The following BCL2L15 variants were observed in gnomAD, a reference collection of about 807,000 sequenced individuals.
BCL2L15 encodes the protein bcl-2-like protein 15.
A neutral mutation model predicts 18.3 loss-of-function variants in BCL2L15; 15 were observed. The observed-to-expected ratio is 0.82, with a 90% CI of 0.55 to 1.26. BCL2L15 has a LOEUF of 1.26. Among genes scored for constraint, BCL2L15 ranks in the 50% most tolerant of loss-of-function variants. BCL2L15 has a pLI of 0.00. For missense variants in BCL2L15, 180 were observed against 201.7 expected (o/e 0.89, Z 0.65); for synonymous variants, 58 against 68.5 (o/e 0.85, Z 0.76).
At chr1:113,881,739 T>C (rs2102246094) in intron 3 of BCL2L15, 34 bp downstream of exon 3, 3 of 1,603,502 alleles carry the variant, frequency 1.9e-6, no homozygotes, top group African/African-American at 2.7e-5. Context: ...ACAGTGCAAA[T>C]ACCTAGCAAA....
In BCL2L15 at chr1:113,881,907, C is replaced by G. The variant is rs1343019420; in HGVS notation, c.340G>C (p.Ala114Pro). Residue 114 changes from alanine (A) to proline (P), a missense_variant, in exon 3 of 4, where the codon GCA (alanine) becomes CCA (proline). Physicochemically the swap from Ala to Pro is conservative, Grantham distance 27. Coordinates refer to ENST00000393316, the MANE Select transcript of BCL2L15 (RefSeq NM_001010922.3). ...SSLAYERAFL[A>P]VSVKLLEYMA... ...TACTCAAGAAGTTTCACTGACACTG[C>G]CAGAAAAGCTCTCTCATAAGCTAAG... is the stretch of plus-strand genomic sequence containing the variant. 6.2e-7 allele frequency: 1 copy of G among 1,614,054 alleles called. No individual in the cohort carries two copies. Among genetic ancestry groups the G allele is most frequent in the African/African-American group, 1.3e-5 (1 of 74,924 alleles).
At chr1:113,885,415 C>T (rs1186731914) in intron 2 of BCL2L15, among the ~76,000 whole-genome samples, 5 of 151,948 alleles carry the variant, frequency 3.3e-5, no homozygotes, top group African/African-American at 7.2e-5. Flanking sequence ...TAAAGCATAA[C>T]GGTTAAGAGG....
chr1:113,881,104 C>A lies in BCL2L15; in HGVS notation c.*19G>T. ...TCAACAAGGAAGTGATGTTCAGTCT[C>A]GTGAATAGCTCCAACTCTTCAGCTC... On this transcript the variant is annotated 3_prime_UTR_variant, in exon 4 of 4. Transcript: ENST00000393316. 1.9e-6 allele frequency: 3 copies of A among 1,614,110 alleles called. No homozygotes were observed. The highest frequency in any genetic ancestry group is 2.5e-6 in the Non-Finnish European group (3 of 1,179,978).
chr1:113,881,859 C>T lies in BCL2L15; in HGVS notation c.388G>A (p.Val130Ile). The stretch of plus-strand genomic sequence containing the variant: ...ATGGGGATAGCCACCTGTCCCACTA[C>T]TTCAGGAGCAATGTGAGCCATGTAC... ...LEYMAHIAPEVVGQVAIPMTG... is the reference protein window; with the variant it reads ...LEYMAHIAPEIVGQVAIPMTG... The change falls in exon 3 of 4, where the codon GTA becomes ATA. Residue 130 changes from valine (V) to isoleucine (I), a missense_variant. Physicochemically the swap from Val to Ile is conservative, Grantham distance 29 (BLOSUM62 3). Transcript: ENST00000393316. 1 of 1,614,220 alleles carries T rather than the reference C, an allele frequency of 6.2e-7. No individual in the cohort carries two copies. The highest frequency in any genetic ancestry group is 8.5e-7 in the Non-Finnish European group (1 of 1,180,042).
In BCL2L15 at chr1:113,883,430, C is replaced by T. The variant is rs558779344; in HGVS notation, c.250-1433G>A. Among the ~76,000 whole-genome samples the T allele has an allele frequency of 2.1e-3, 304 of 148,238 alleles. 1 individual carries two copies. The highest frequency in any genetic ancestry group is 3.7e-3 in the Non-Finnish European group (250 of 67,362). On this transcript the variant is annotated intron_variant, in intron 2 of 3. Coordinates refer to ENST00000393316, the MANE Select transcript of BCL2L15 (RefSeq NM_001010922.3). ...CGGGGAGGCAGAGGTTGAAGAGAGC[C>T]GAGATTGCGCCATTGCTCTCCTGCC...
Position 113,880,835 on chromosome 1 carries a change from T to C in BCL2L15, c.*288A>G. The C allele has an allele frequency of 2.1e-6, 1 of 469,504 alleles. No homozygotes were observed. Among genetic ancestry groups the C allele is most frequent in the Non-Finnish European group, 3.8e-6 (1 of 259,968 alleles). The allele number at this position is 469,504 out of a possible 1,614,324, so 29.1% of individuals were successfully genotyped here. Reference sequence around the variant, plus strand: ...CAAGTCATTACTTTGTGTCTAGGGGTCTTTGCTTCAACAGAACCTCATTAA... The same window carrying C: ...CAAGTCATTACTTTGTGTCTAGGGGCCTTTGCTTCAACAGAACCTCATTAA... On this transcript the variant is annotated 3_prime_UTR_variant, in exon 4 of 4. Transcript: ENST00000393316.
At chr1:113,886,331 G>C (rs1667034013) in intron 2 of BCL2L15, among the ~76,000 whole-genome samples, 2 of 152,030 alleles carry the variant, frequency 1.3e-5, no homozygotes, top group South Asian at 4.1e-4. Context: ...ACAAACTGAA[G>C]GTTCATCAGC....
In BCL2L15 at chr1:113,887,513, C is replaced by T; in HGVS notation, c.-138G>A. The T allele has an allele frequency of 8.4e-7, 1 of 1,193,606 alleles. No individual in the cohort carries two copies. The highest frequency in any genetic ancestry group is 2.1e-5 in the Admixed American group (1 of 48,118). The allele number at this position is 1,193,606 out of a possible 1,614,324, so 73.9% of individuals were successfully genotyped here. On this transcript the variant is annotated 5_prime_UTR_variant, in exon 1 of 4. Coordinates refer to ENST00000393316, the MANE Select transcript of BCL2L15 (RefSeq NM_001010922.3). The stretch of plus-strand genomic sequence containing the variant: ...TGACATGTAATCCTGGAACTTTTCC[C>T]ACTAGCTTTCTTCAAACACAGCTGC...
intron 1 of BCL2L15, among the ~76,000 whole-genome samples, 193 bp downstream of exon 1, chr1:113,887,056 C>A (rs1667058660): frequency 6.6e-6 from 1 of 152,044 alleles, no homozygotes; most frequent in Non-Finnish European, 1.5e-5. Context: ...AGCCACCACA[C>A]CTGGCTAATT....
rs1207332772 is a variant in BCL2L15 at position 113,877,477 on chromosome 1, A to T, written c.*3646T>A. Among the ~76,000 whole-genome samples, 1 of 152,202 alleles carries T rather than the reference A, an allele frequency of 6.6e-6. No individual in the cohort carries two copies. The highest frequency in any genetic ancestry group is 2.4e-5 in the African/African-American group (1 of 41,450). The stretch of plus-strand genomic sequence containing the variant: ...ATAATGAACATGTCTAATCACACTC[A>T]AAAGTTCCACTGAAGGACTTTAAGA... On this transcript the variant is annotated 3_prime_UTR_variant, in exon 4 of 4. Coordinates refer to ENST00000393316, the MANE Select transcript of BCL2L15 (RefSeq NM_001010922.3).
At chr1:113,883,621 A>C (rs1186069618) in intron 2 of BCL2L15, among the ~76,000 whole-genome samples, 1 of 150,984 alleles carries the variant, frequency 6.6e-6, no homozygotes, top group African/African-American at 2.4e-5. Flanking sequence ...TAAAATACAA[A>C]AAAAAAAAAA....
rs1389206204 is a variant in BCL2L15 at position 113,887,465 on chromosome 1, T to G, written c.-90A>C. ...TTAAAAACACTGGTAAATCAACAAA[T>G]GTTTCTACCTCTTGTAGTTTCCTGA... On this transcript the variant is annotated 5_prime_UTR_variant, in exon 1 of 4. Coordinates refer to ENST00000393316, the MANE Select transcript of BCL2L15 (RefSeq NM_001010922.3). 30 of 1,565,088 alleles carry G rather than the reference T, an allele frequency of 1.9e-5. No individual in the cohort carries two copies. The East Asian group carries it at 6.3e-4, about 33-fold the overall frequency.
At chr1:113,884,435 A>T (rs1374079876) in intron 2 of BCL2L15, among the ~76,000 whole-genome samples, 1 of 152,242 alleles carries the variant, frequency 6.6e-6, no homozygotes, top group African/African-American at 2.4e-5. Flanking sequence ...AGAAATCACA[A>T]CTAAATGCAG....
rs1428548549 is a variant in BCL2L15, at chr1:113,886,570, G to A, written c.216C>T (p.Ala72=). 6.2e-7 allele frequency: 1 copy of A among 1,613,568 alleles called. No individual in the cohort carries two copies. The highest frequency in any genetic ancestry group is 1.7e-5 in the Admixed American group (1 of 59,866). ...TAATGGTTTCTGCAATGACGTTTTT[G>A]GCAGAAGCTTCCAATTCTCCGTTGA... ...DQFNGELEAS[A]KNVIAETIKG... is the part of the protein sequence containing the mutation. The change falls in exon 2 of 4, where the codon GCC becomes GCT. Residue 72 remains alanine (A), a synonymous_variant. Coordinates refer to ENST00000393316, the MANE Select transcript of BCL2L15 (RefSeq NM_001010922.3).
In BCL2L15 at chr1:113,880,895, T is replaced by C. The variant is rs750841975; in HGVS notation, c.*228A>G. 1.7e-6 allele frequency: 1 copy of C among 577,682 alleles called. No individual in the cohort carries two copies. Among genetic ancestry groups the C allele is most frequent in the Non-Finnish European group, 3.1e-6 (1 of 326,942 alleles). The allele number at this position is 577,682 out of a possible 1,614,324, so 35.8% of individuals were successfully genotyped here. A position where few individuals can be genotyped will look rare whatever the true frequency, so the allele number is the denominator to read the frequency against. ...GAAAACAGAAAGTAGAAAATCTCTG[T>C]GGTTTGCATTAAGTTGACAAAACAA... On this transcript the variant is annotated 3_prime_UTR_variant, in exon 4 of 4. Transcript: ENST00000393316.
At chr1:113,887,142 C>A in intron 1 of BCL2L15, 107 bp downstream of exon 1, 1 of 1,030,510 alleles carries the variant, frequency 9.7e-7, no homozygotes, top group Admixed American at 2.3e-5. Flanking sequence ...AGGTGATCCA[C>A]CCACCTTGGC....
At chr1:113,884,487 A>G (rs535555572) in intron 2 of BCL2L15, among the ~76,000 whole-genome samples, 1 of 152,360 alleles carries the variant, frequency 6.6e-6, no homozygotes, top group East Asian at 1.9e-4. Context: ...AAATTACATT[A>G]TCGGGACAAA....
intron 2 of BCL2L15, among the ~76,000 whole-genome samples, chr1:113,883,481 C>CA (rs34752806): frequency 0.4 from 54,924 of 137,448 alleles, 12,272 homozygotes; most frequent in African/African-American, 0.63. Flanking sequence ...GACTCCGTCT[C>CA]AAAAAAAAAA....
rs1396210696 is a variant in BCL2L15 at position 113,878,905 on chromosome 1, A to G, written c.*2218T>C. 1 of 151,824 alleles carries G rather than the reference A, an allele frequency of 6.6e-6. No homozygotes were observed. The highest frequency in any genetic ancestry group is 1.5e-5 in the Non-Finnish European group (1 of 67,976). 9.4% of individuals were successfully genotyped at this position (151,824 alleles called of 1,614,324 possible). A position where few individuals can be genotyped will look rare whatever the true frequency, so the allele number is the denominator to read the frequency against. ...GCTTTTGTAGCCCAGGCTGGAGTGC[A>G]ATGGCGCGAACTCAGCTCACAGCAA... On this transcript the variant is annotated 3_prime_UTR_variant, in exon 4 of 4. Coordinates refer to ENST00000393316, the MANE Select transcript of BCL2L15 (RefSeq NM_001010922.3).
Sources: allele counts gnomAD v4.1 joint callset (sites outside exome capture counted in the v4.1 genomes callset), GRCh38; gene constraint gnomAD v4.1.1; transcripts MANE v1.5; gene names NCBI Gene and HGNC (gene_info 2026-07-23, HGNC 2026-07-21).